The following CDKAL1 variants were observed in gnomAD, a reference collection of about 807,000 sequenced individuals.
CDKAL1 encodes CDKAL1 threonylcarbamoyladenosine tRNA methylthiotransferase, also known as threonylcarbamoyladenosine tRNA methylthiotransferase.
In CDKAL1, 32 loss-of-function variants were observed where a neutral mutation model predicts 68.2. The ratio of observed to expected loss-of-function variants is 0.47; its 90% CI spans 0.35 to 0.63. The LOEUF (loss-of-function observed/expected upper bound fraction) is 0.63. CDKAL1 is among the 30% of genes least tolerant of loss of function. The pLI is 0.00. For synonymous variants in CDKAL1, 234 were observed against 244.3 expected (o/e 0.96, Z 0.39); for missense variants, 606 against 696.7 (o/e 0.87, Z 1.47).
At chr6:20,902,762 C>A (rs7758155) in intron 9 of CDKAL1, among the ~76,000 whole-genome samples, 145,978 of 152,296 alleles carry the variant, frequency 0.96, 69,972 homozygotes, top group East Asian at 1. Context: ...GATAGAAAAG[C>A]GGGAGCTTTC....
chr6:21,091,692 C>T (rs1459638975), intron 12 of CDKAL1, among the ~76,000 whole-genome samples: 1 of 152,050 alleles, frequency 6.6e-6, no homozygotes, highest in African/African-American at 2.4e-5. Flanking sequence ...GTTCATTTAG[C>T]AGCTAGAATG....
At chr6:20,886,858 T>C (rs560144954) in intron 9 of CDKAL1, among the ~76,000 whole-genome samples, 199 of 152,260 alleles carry the variant, frequency 1.3e-3, no homozygotes, top group Middle Eastern at 6.8e-3. Flanking sequence ...GTCCCAGAAA[T>C]GTAAAACAAA....
intron 11 of CDKAL1, among the ~76,000 whole-genome samples, chr6:21,062,887 T>C (rs1771219114): frequency 1.4e-5 from 2 of 141,690 alleles, no homozygotes; most frequent in South Asian, 4.7e-4. Flanking sequence ...CTGTTTTCAT[T>C]CTTTCATGTA....
intron 13 of CDKAL1, among the ~76,000 whole-genome samples, chr6:21,129,682 CA>C (rs34802727): frequency 0.022 from 1,493 of 69,010 alleles, 2 homozygotes; most frequent in African/African-American, 0.056. Context: ...TGCAGTTTAC[CA>C]AAAAAAAAAA....
chr6:20,692,753 C>T (rs761597411), intron 5 of CDKAL1, among the ~76,000 whole-genome samples: 2 of 151,668 alleles, frequency 1.3e-5, no homozygotes, highest in Non-Finnish European at 2.9e-5. Context: ...AAAACCCTAA[C>T]CTACTGGAAA....
intron 8 of CDKAL1, among the ~76,000 whole-genome samples, chr6:20,820,668 G>A (rs1028986349): frequency 1.3e-5 from 2 of 152,010 alleles, no homozygotes; most frequent in African/African-American, 2.4e-5. Context: ...GTCCTGGTTC[G>A]GCTACTCTTT....
At chr6:21,071,389 G>T (rs1378838104) in intron 12 of CDKAL1, among the ~76,000 whole-genome samples, 1 of 152,082 alleles carries the variant, frequency 6.6e-6, no homozygotes, top group African/African-American at 2.4e-5. Context: ...CCCTTCCACC[G>T]TGATTGTAAA....
chr6:21,094,622 TAGAA>T (rs1342682540), intron 12 of CDKAL1, among the ~76,000 whole-genome samples: 1 of 152,098 alleles, frequency 6.6e-6, no homozygotes, highest in Non-Finnish European at 1.5e-5. Flanking sequence ...CTACAATAAA[TAGAA>T]AGAACTTCTA....
intron 4 of CDKAL1, among the ~76,000 whole-genome samples, chr6:20,595,452 CT>C (rs1765780008): frequency 6.6e-6 from 1 of 151,996 alleles, no homozygotes. Flanking sequence ...CTTTCTTCCG[CT>C]TGATCCGTTT....
chr6:21,178,244 A>G (rs1480546740), intron 13 of CDKAL1, among the ~76,000 whole-genome samples: 1 of 152,184 alleles, frequency 6.6e-6, no homozygotes, highest in Non-Finnish European at 1.5e-5. Context: ...TAGTCAAGAA[A>G]TTAACATTTC....
intron 9 of CDKAL1, among the ~76,000 whole-genome samples, chr6:20,863,178 A>T (rs1396194198): frequency 2.0e-5 from 3 of 152,186 alleles, no homozygotes; most frequent in Non-Finnish European, 4.4e-5. Context: ...GGTAATGCTG[A>T]TACTGCTGGT....
chr6:21,003,369 T>TACACACACACACACACACACACACAC (rs1292656062), intron 11 of CDKAL1, among the ~76,000 whole-genome samples: 30 of 46,596 alleles, frequency 6.4e-4, no homozygotes, highest in African/African-American at 2.4e-3. Flanking sequence ...TATATATATA[T>TACACACACACACACACACACACACAC]ATACACACAC....
At chr6:21,214,393 C>T (rs1256643293) in intron 15 of CDKAL1, among the ~76,000 whole-genome samples, 1 of 151,850 alleles carries the variant, frequency 6.6e-6, no homozygotes, top group Non-Finnish European at 1.5e-5. Context: ...GAATGAAAGC[C>T]AGAGACCCTA....
chr6:20,896,812 A>G (rs1761712772), intron 9 of CDKAL1, among the ~76,000 whole-genome samples: 1 of 151,988 alleles, frequency 6.6e-6, no homozygotes, highest in Non-Finnish European at 1.5e-5. Context: ...CTCCCTCCCC[A>G]CTCCCTACCT....
intron 13 of CDKAL1, among the ~76,000 whole-genome samples, chr6:21,133,038 T>G (rs1775409919): frequency 6.6e-6 from 1 of 152,172 alleles, no homozygotes; most frequent in Non-Finnish European, 1.5e-5. Context: ...TCCCTACAAC[T>G]GCCCCAAAAA....
intron 9 of CDKAL1, among the ~76,000 whole-genome samples, chr6:20,857,192 T>C (rs1759379752): frequency 1.3e-5 from 2 of 152,204 alleles, no homozygotes; most frequent in Non-Finnish European, 2.9e-5. Flanking sequence ...TTATTTGTAA[T>C]ATAAGAAAGA....
chr6:21,052,350 T>A (rs773555874), intron 11 of CDKAL1, among the ~76,000 whole-genome samples: 66 of 152,062 alleles, frequency 4.3e-4, no homozygotes, highest in Non-Finnish European at 6.8e-4. Flanking sequence ...TCCCGATTTG[T>A]CTATTTTTTC....
At chr6:20,710,278 C>T (rs145044672) in intron 5 of CDKAL1, among the ~76,000 whole-genome samples, 84 of 152,244 alleles carry the variant, frequency 5.5e-4, no homozygotes, top group African/African-American at 2.0e-3. Context: ...GTCCCATGAT[C>T]CCGTGATGTT....
At chr6:20,725,440 T>C (rs760951232) in intron 5 of CDKAL1, among the ~76,000 whole-genome samples, 1 of 152,204 alleles carries the variant, frequency 6.6e-6, no homozygotes, top group African/African-American at 2.4e-5. Flanking sequence ...TATGCAGTGG[T>C]CTGACTTCCG....
Sources: allele counts gnomAD v4.1 joint callset (sites outside exome capture counted in the v4.1 genomes callset), GRCh38; gene constraint gnomAD v4.1.1; transcripts MANE v1.5; gene names NCBI Gene and HGNC (gene_info 2026-07-23, HGNC 2026-07-21).